MAN2A1: variants seen among roughly 807,000 people sequenced by gnomAD.
The protein encoded by MAN2A1 is alpha-mannosidase 2.
In MAN2A1, 76 loss-of-function variants were observed where a neutral mutation model predicts 142.6. That is an observed-to-expected ratio of 0.53 (90% CI 0.44 to 0.65). The LOEUF (loss-of-function observed/expected upper bound fraction) is 0.65. MAN2A1 is among the 30% of genes least tolerant of loss of function. The probability of loss-of-function intolerance (pLI) is 0.00; values close to 1 mark genes in which losing one functional copy is unlikely to be tolerated. For synonymous variants in MAN2A1, 559 were observed against 473.2 expected (o/e 1.18, Z -2.35); for missense variants, 1,311 against 1,365.1 (o/e 0.96, Z 0.62).
At chr5:109,838,276 G>C (rs1755110053) in intron 16 of MAN2A1, among the ~76,000 whole-genome samples, 1 of 152,100 alleles carries the variant, frequency 6.6e-6, no homozygotes, top group South Asian at 2.1e-4. Flanking sequence ...AGCAGCAAGA[G>C]GGCACATATT....
intron 20 of MAN2A1, among the ~76,000 whole-genome samples, chr5:109,858,169 C>T (rs571351605): frequency 2.2e-3 from 333 of 152,310 alleles, no homozygotes; most frequent in Admixed American, 3.2e-3. Context: ...CATGCTGGCT[C>T]ATAATCAGAA....
intron 4 of MAN2A1, 111 bp from the exon 5 acceptor site, chr5:109,755,218 A>T: frequency 1.2e-6 from 1 of 809,240 alleles, no homozygotes; most frequent in Non-Finnish European, 2.0e-6. Flanking sequence ...GACAACTAGT[A>T]TACATACTGG....
At chr5:109,831,482 G>A (rs1754904707) in intron 16 of MAN2A1, among the ~76,000 whole-genome samples, 1 of 152,192 alleles carries the variant, frequency 6.6e-6, no homozygotes, top group Non-Finnish European at 1.5e-5. Context: ...ATAAGGATTT[G>A]AAGAACTCTT....
At chr5:109,703,358 A>G (rs1751041893) in intron 1 of MAN2A1, among the ~76,000 whole-genome samples, 1 of 152,222 alleles carries the variant, frequency 6.6e-6, no homozygotes, top group African/African-American at 2.4e-5. Flanking sequence ...CTTGTGTACA[A>G]AGATAAGCAT....
chr5:109,719,667 G>T (rs1751549558), intron 3 of MAN2A1, among the ~76,000 whole-genome samples: 1 of 151,896 alleles, frequency 6.6e-6, no homozygotes, highest in South Asian at 2.1e-4. Context: ...TTCGTCTATT[G>T]GGAATAGAAA....
chr5:109,832,230 T>A (rs1398613502), intron 16 of MAN2A1, among the ~76,000 whole-genome samples: 1 of 143,258 alleles, frequency 7.0e-6, no homozygotes, highest in Admixed American at 7.4e-5. Context: ...AGAGGGGGAT[T>A]TGGCAGGGTC....
At chr5:109,736,530 T>C (rs943142354) in intron 4 of MAN2A1, among the ~76,000 whole-genome samples, 3 of 152,082 alleles carry the variant, frequency 2.0e-5, no homozygotes, top group Admixed American at 2.0e-4. Flanking sequence ...AAAAAAAGTT[T>C]TTTTTAGGTC....
At chr5:109,754,151 A>G (rs984266334) in intron 4 of MAN2A1, among the ~76,000 whole-genome samples, 25 of 151,992 alleles carry the variant, frequency 1.6e-4, no homozygotes, top group African/African-American at 3.9e-4. Context: ...ACCTCAAGCA[A>G]TCCTCCTGTC....
chr5:109,802,446 T>A (rs1754056153), intron 12 of MAN2A1, among the ~76,000 whole-genome samples: 1 of 152,154 alleles, frequency 6.6e-6, no homozygotes, highest in African/African-American at 2.4e-5. Flanking sequence ...CTTTTTGGAT[T>A]TCACAGTTTA....
chr5:109,862,071 G>A (rs1755772667), intron 20 of MAN2A1, among the ~76,000 whole-genome samples: 1 of 152,330 alleles, frequency 6.6e-6, no homozygotes, highest in African/African-American at 2.4e-5. Context: ...ATGGCACACA[G>A]CAAGTGCTCA....
intron 1 of MAN2A1, among the ~76,000 whole-genome samples, chr5:109,698,158 G>C (rs1056511902): frequency 6.6e-6 from 1 of 152,170 alleles, no homozygotes; most frequent in Non-Finnish European, 1.5e-5. Flanking sequence ...GATTGCTTGG[G>C]TTAGTTAGTC....
At chr5:109,771,632 T>C (rs1307235018) in intron 7 of MAN2A1, among the ~76,000 whole-genome samples, 1 of 152,278 alleles carries the variant, frequency 6.6e-6, no homozygotes, top group South Asian at 2.1e-4. Context: ...ACAACCTGCT[T>C]TCTAGCTAGG....
At chr5:109,844,016 G>A (rs1281865273) in intron 17 of MAN2A1, among the ~76,000 whole-genome samples, 1 of 152,034 alleles carries the variant, frequency 6.6e-6, no homozygotes, top group Non-Finnish European at 1.5e-5. Context: ...CATAAAAATT[G>A]CAGCATACAT....
intron 16 of MAN2A1, among the ~76,000 whole-genome samples, chr5:109,839,157 T>C (rs1380223795): frequency 6.6e-6 from 1 of 152,238 alleles, no homozygotes; most frequent in Non-Finnish European, 1.5e-5. Context: ...TAGTATTACG[T>C]GAATACTATC....
At chr5:109,713,437 C>T (rs1172317838) in intron 1 of MAN2A1, 83 bp from the exon 2 acceptor site, 2 of 1,262,482 alleles carry the variant, frequency 1.6e-6, no homozygotes, top group African/African-American at 1.5e-5. Flanking sequence ...TAGGCAACCA[C>T]ATAATTTAAA....
chr5:109,710,446 T>A (rs1374461883), intron 1 of MAN2A1, among the ~76,000 whole-genome samples: 1 of 152,178 alleles, frequency 6.6e-6, no homozygotes. Flanking sequence ...TCTGGAGAAA[T>A]GTGGGCACTC....
intron 1 of MAN2A1, among the ~76,000 whole-genome samples, chr5:109,692,933 C>G (rs2112533529): frequency 1.3e-5 from 2 of 152,246 alleles, no homozygotes; most frequent in South Asian, 4.1e-4. Context: ...GGTTCGTGCT[C>G]CTATGAGAAT....
chr5:109,729,067 ACTG>A (rs1408263834), intron 3 of MAN2A1, among the ~76,000 whole-genome samples: 1 of 152,090 alleles, frequency 6.6e-6, no homozygotes, highest in Non-Finnish European at 1.5e-5. Context: ...AATATAAATA[ACTG>A]CTTTTTGGCC....
chr5:109,866,765 C>G (rs943180784), intron 21 of MAN2A1, 81 bp from the exon 22 acceptor site: 3 of 891,458 alleles, frequency 3.4e-6, no homozygotes, highest in Non-Finnish European at 5.2e-6. Flanking sequence ...CCTTCTCATA[C>G]TAATTTTCAC....
Sources: allele counts gnomAD v4.1 joint callset (sites outside exome capture counted in the v4.1 genomes callset), GRCh38; gene constraint gnomAD v4.1.1; transcripts MANE v1.5; gene names NCBI Gene and HGNC (gene_info 2026-07-23, HGNC 2026-07-21).